Variants in B4GALNT3 observed in about 807,000 individuals in gnomAD.
The protein encoded by B4GALNT3 is beta-1,4-N-acetyl-galactosaminyltransferase 3.
B4GALNT3 carries 86 observed loss-of-function variants against 120.2 expected under a neutral mutation model. The ratio of observed to expected loss-of-function variants is 0.72; its 90% confidence interval spans 0.60 to 0.86. The LOEUF is 0.86. B4GALNT3 is among the 40% of genes least tolerant of loss of function. B4GALNT3 has a pLI of 0.00. For missense variants in B4GALNT3, 1,167 were observed against 1,298.9 expected, an observed-to-expected ratio of 0.90 and a Z score of 1.56; for synonymous variants, 518 against 510.4, an observed-to-expected ratio of 1.01 and a Z score of -0.20.
chr12:460,620 C>G lies in B4GALNT3; in HGVS notation c.169+75C>G. 1 of 1,238,642 alleles carries G rather than the reference C, an allele frequency of 8.1e-7. No individual in the cohort carries two copies. The highest frequency in any genetic ancestry group is 1.0e-6 in the Non-Finnish European group (1 of 970,298). The allele number at this position is 1,238,642 out of a possible 1,614,324, so 76.7% of individuals were successfully genotyped here. ...CGGCTCCTGCGTTGGGGGGACCCGC[C>G]TCTCATCCCATCCTCAGACCCGATT... On this transcript the variant is annotated intron_variant, in intron 1 of 19. Transcript: ENST00000266383. The surrounding 1 kb of genome is among the most constrained non-coding windows in gnomAD (Gnocchi z 8.0).
At position 551,004 on chromosome 12, in the gene B4GALNT3, T is replaced by G; in HGVS notation, c.1080T>G (p.Pro360=). 1.9e-6 allele frequency: 3 copies of G among 1,613,648 alleles called. No homozygotes were observed. Among genetic ancestry groups the G allele is most frequent in the Non-Finnish European group, 2.5e-6 (3 of 1,179,518 alleles). Residue 360 remains proline (P), a synonymous_variant, in exon 11 of 20, where the codon CCT becomes CCG. Transcript: ENST00000266383. ...CCAGCTATCTGGTGGATGGGCTTCC[T>G]CTGCAGCGCTACCAGGGACTCCGGT... is the stretch of plus-strand genomic sequence containing the variant. ...YKPSYLVDGL[P]LQRYQGLRFV...
At chr12:477,174 G>A (rs1388678054) in intron 1 of B4GALNT3, among the ~76,000 whole-genome samples, 2 of 152,114 alleles carry the variant, frequency 1.3e-5, no homozygotes, top group African/African-American at 2.4e-5. Context: ...CTCTGCCTTC[G>A]CTCATTCCCT....
At chr12:530,371 T>C (rs1946794877) in intron 1 of B4GALNT3, among the ~76,000 whole-genome samples, 1 of 152,236 alleles carries the variant, frequency 6.6e-6, no homozygotes, top group African/African-American at 2.4e-5. Flanking sequence ...TTTGAAGGGT[T>C]TTAGCCCTGG....
chr12:549,497 G>A (rs190849131), intron 9 of B4GALNT3, among the ~76,000 whole-genome samples: 9 of 152,334 alleles, frequency 5.9e-5, no homozygotes, highest in African/African-American at 1.9e-4. Flanking sequence ...CTAGCAGTCC[G>A]CAGTAACACA....
intron 1 of B4GALNT3, among the ~76,000 whole-genome samples, chr12:515,082 C>T (rs1946639187): frequency 6.6e-6 from 1 of 152,220 alleles, no homozygotes; most frequent in African/African-American, 2.4e-5. Flanking sequence ...GGCTCCACAA[C>T]TTACTAGCCA....
At chr12:534,316 A>C (rs1302395896) in intron 1 of B4GALNT3, among the ~76,000 whole-genome samples, 2 of 152,120 alleles carry the variant, frequency 1.3e-5, no homozygotes, top group Non-Finnish European at 1.5e-5. Context: ...GTTTGGTTCC[A>C]CTTATCCAAA....
chr12:485,035 C>T (rs533879023), intron 1 of B4GALNT3, among the ~76,000 whole-genome samples: 6 of 152,278 alleles, frequency 3.9e-5, no homozygotes, highest in African/African-American at 1.4e-4. Flanking sequence ...ACACATAACA[C>T]ATCCCTTTGG....
At position 549,842 on chromosome 12, in the gene B4GALNT3, C is replaced by A. The variant is rs144196893; in HGVS notation, c.927C>A (p.Asn309Lys). Reference sequence around the variant, plus strand: ...CAGCCAGCCACGTGGACTCCTCCAACGCTCTTCCCAGGGATGAGCAGCCGC... The same window carrying A: ...CAGCCAGCCACGTGGACTCCTCCAAAGCTCTTCCCAGGGATGAGCAGCCGC... ...QTAASHVDSS[N>K]ALPRDEQPPA... Residue 309 changes from asparagine to lysine, a missense_variant, in exon 10 of 20, where the codon AAC (asparagine) becomes AAA (lysine). By Grantham distance (94) the Asn-to-Lys change is moderately conservative. Coordinates refer to ENST00000266383, the MANE Select transcript of B4GALNT3 (RefSeq NM_173593.4). 1 of 1,613,820 alleles carries A rather than the reference C, an allele frequency of 6.2e-7. No homozygotes were observed. Among genetic ancestry groups the A allele is most frequent in the Non-Finnish European group, 8.5e-7 (1 of 1,180,016 alleles).
intron 1 of B4GALNT3, among the ~76,000 whole-genome samples, chr12:512,771 C>T (rs1443765846): frequency 1.0e-5 from 1 of 100,298 alleles, no homozygotes; most frequent in African/African-American, 3.9e-5. Context: ...CCGCCTTCCG[C>T]CTTCTGCCTT....
intron 15 of B4GALNT3, among the ~76,000 whole-genome samples, chr12:557,127 T>TC (rs1947166111): frequency 2.0e-5 from 3 of 152,126 alleles, no homozygotes; most frequent in Non-Finnish European, 2.9e-5. Context: ...GTGTGATAAC[T>TC]GGGGTTGCTA....
intron 9 of B4GALNT3, among the ~76,000 whole-genome samples, chr12:549,167 C>T (rs1184079784): frequency 6.6e-6 from 1 of 152,094 alleles, no homozygotes; most frequent in African/African-American, 2.4e-5. Context: ...ATGCATGAAC[C>T]CGGGAGACAG....
chr12:557,054 G>A (rs1035281740), intron 15 of B4GALNT3, among the ~76,000 whole-genome samples, 188 bp downstream of exon 15: 4 of 152,178 alleles, frequency 2.6e-5, no homozygotes, highest in Admixed American at 6.5e-5. Context: ...AAATGTTGCC[G>A]CTAAAAACAA....
At chr12:506,785 T>C (rs57805379) in intron 1 of B4GALNT3, among the ~76,000 whole-genome samples, 1,914 of 152,070 alleles carry the variant, frequency 0.013, 32 homozygotes, top group African/African-American at 0.043. Context: ...TACAGACACA[T>C]ACCACCACGC....
chr12:543,733 G>A (rs1946951139), intron 3 of B4GALNT3, among the ~76,000 whole-genome samples: 1 of 108,414 alleles, frequency 9.2e-6, no homozygotes, highest in Non-Finnish European at 1.9e-5. Flanking sequence ...CTGGAACTGA[G>A]GAGCTGGGAT....
chr12:505,700 G>A (rs1946490806), intron 1 of B4GALNT3, among the ~76,000 whole-genome samples: 2 of 152,176 alleles, frequency 1.3e-5, no homozygotes, highest in Non-Finnish European at 2.9e-5. Context: ...AGAGTGTCCT[G>A]AAGACCCTTG....
At chr12:521,451 G>A (rs1159524546) in intron 1 of B4GALNT3, among the ~76,000 whole-genome samples, 1 of 152,156 alleles carries the variant, frequency 6.6e-6, no homozygotes, top group Non-Finnish European at 1.5e-5. Context: ...GTGTGGTTCT[G>A]TCTTTGATTC....
intron 7 of B4GALNT3, 40 bp downstream of exon 7, chr12:546,753 G>T: frequency 2.0e-6 from 3 of 1,534,132 alleles, no homozygotes; most frequent in Non-Finnish European, 2.6e-6. Context: ...GCGCCTCGGT[G>T]CCTCGGTGGA....
intron 13 of B4GALNT3, chr12:552,950 TCTCA>T: frequency 3.5e-6 from 2 of 568,068 alleles, no homozygotes; most frequent in South Asian, 2.3e-5. Context: ...ATGCCGTTTA[TCTCA>T]CTCAGTCTTC....
intron 3 of B4GALNT3, chr12:543,267 A>T: frequency 8.4e-7 from 1 of 1,187,476 alleles, no homozygotes; most frequent in Non-Finnish European, 1.1e-6. Flanking sequence ...GGACCCGCAC[A>T]GTGAGAGGAG....
Sources: gnomAD v4.1 joint callset for allele counts (sites outside exome capture counted in the v4.1 genomes callset) on GRCh38, gnomAD v4.1.1 for gene constraint, Gnocchi (gnomAD v3.1) non-coding constraint, MANE v1.5 for transcripts, NCBI Gene and HGNC (gene_info 2026-07-23, HGNC 2026-07-21) for gene names.